KISS1R: variants seen among roughly 807,000 people sequenced by gnomAD.
KISS1R encodes kiSS-1 receptor.
A neutral mutation model predicts 22.0 loss-of-function variants in KISS1R; 19 were observed. That is an observed-to-expected ratio of 0.86 (90% CI 0.60 to 1.26). The LOEUF (loss-of-function observed/expected upper bound fraction) is 1.26. KISS1R is among the 50% of genes most tolerant of loss of function. The probability of loss-of-function intolerance (pLI) is 0.00; values close to 1 mark genes in which losing one functional copy is unlikely to be tolerated. For synonymous variants in KISS1R, 302 were observed against 283.9 expected (o/e 1.06, Z -0.64); for missense variants, 653 against 581.9 (o/e 1.12, Z -1.26).
Position 917,582 on chromosome 19 carries a change from C to T in KISS1R, c.80C>T (p.Ala27Val). Residue 27 changes from alanine to valine, a missense_variant, in exon 1 of 5, where the codon GCC becomes GTC. Coordinates refer to ENST00000234371, the MANE Select transcript of KISS1R (RefSeq NM_032551.5). ...ANASGCPGCG[A>V]NASDGPVPSP... ...GCCTCCGGCTGCCCGGGCTGTGGCG[C>T]CAACGCCTCGGACGGCCCAGTCCCT... 2 of 1,539,072 alleles carry T rather than the reference C, an allele frequency of 1.3e-6. No individual in the cohort carries two copies. Among genetic ancestry groups the T allele is most frequent in the Non-Finnish European group, 1.7e-6 (2 of 1,146,372 alleles).
chr19:920,750 C>A lies in KISS1R; in HGVS notation c.*2C>A, dbSNP rs1294638756. The A allele has an allele frequency of 7.8e-7, 1 of 1,281,484 alleles. No homozygotes were observed. Among genetic ancestry groups the A allele is most frequent in the Non-Finnish European group, 9.8e-7 (1 of 1,015,738 alleles). The allele number at this position is 1,281,484 out of a possible 1,614,324, so 79.4% of individuals were successfully genotyped here. A position where few individuals can be genotyped will look rare whatever the true frequency, so the allele number is the denominator to read the frequency against. On this transcript the variant is annotated 3_prime_UTR_variant, in exon 5 of 5. Coordinates refer to ENST00000234371, the MANE Select transcript of KISS1R (RefSeq NM_032551.5). ...GGGGAGGACAACGCCCCTCTCTGAG[C>A]GGACCCGGTGGGAATCCGAGCGGCT...
chr19:919,313 C>T (rs894224403), intron 2 of KISS1R, among the ~76,000 whole-genome samples, 177 bp from the exon 3 acceptor site: 1 of 152,192 alleles, frequency 6.6e-6, no homozygotes, highest in Non-Finnish European at 1.5e-5. Context: ...TCCTCCTGCC[C>T]TCCTCTCCCA....
Position 920,807 on chromosome 19 carries a change from C to T in KISS1R, c.*59C>T. On this transcript the variant is annotated 3_prime_UTR_variant, in exon 5 of 5. Coordinates refer to ENST00000234371, the MANE Select transcript of KISS1R (RefSeq NM_032551.5). ...GGAGCGGGGACTGCTGGAACAGCGG[C>T]TATTCTTCTGTTATTAGTATTTTTC... The T allele has an allele frequency of 8.1e-7, 1 of 1,241,062 alleles. No homozygotes were observed. Among genetic ancestry groups the T allele is most frequent in the South Asian group, 4.0e-5 (1 of 25,264 alleles). 76.9% of individuals were successfully genotyped at this position (1,241,062 alleles called of 1,614,324 possible).
chr19:919,404 A>T (rs1028459644), intron 2 of KISS1R, 86 bp from the exon 3 acceptor site: 2 of 1,519,370 alleles, frequency 1.3e-6, no homozygotes, highest in Admixed American at 3.9e-5. Context: ...GAGTGTTCGC[A>T]CACGTAGGGG....
At chr19:919,169 A>G (rs2145319356) in intron 2 of KISS1R, among the ~76,000 whole-genome samples, 2 of 148,602 alleles carry the variant, frequency 1.3e-5, no homozygotes, top group Non-Finnish European at 3.0e-5. Flanking sequence ...GCAGACGGGG[A>G]CCCGGGTCAC....
Position 920,715 on chromosome 19 carries a change from G to C in KISS1R, c.1164G>C (p.Leu388=). The change falls in exon 5 of 5, where the codon CTG becomes CTC. Residue 388 remains leucine (L), a synonymous_variant. Coordinates refer to ENST00000234371, the MANE Select transcript of KISS1R (RefSeq NM_032551.5). ...GCAGTGGGCTGGCCGCGCGCGGGCT[G>C]TGCGTCCTGGGGGAGGACAACGCCC... The part of the protein sequence containing the change: ...PGSSGLAARG[L]CVLGEDNAPL 1 of 1,305,464 alleles carries C rather than the reference G, an allele frequency of 7.7e-7. No individual in the cohort carries two copies. Among genetic ancestry groups the C allele is most frequent in the Non-Finnish European group, 9.7e-7 (1 of 1,028,824 alleles). The allele number at this position is 1,305,464 out of a possible 1,614,324, so 80.9% of individuals were successfully genotyped here. A position where few individuals can be genotyped will look rare whatever the true frequency, so the allele number is the denominator to read the frequency against.
chr19:919,346 C>CA, intron 2 of KISS1R, 144 bp from the exon 3 acceptor site: 1 of 1,212,546 alleles, frequency 8.2e-7, no homozygotes, highest in South Asian at 1.3e-5. Context: ...TCTGTCCCCT[C>CA]AACCCGCACT....
chr19:918,545 C>T lies in KISS1R; in HGVS notation c.246C>T (p.Ala82=). The change falls in exon 2 of 5, where the codon GCC becomes GCT. Residue 82 remains alanine, a splice_region_variant and synonymous_variant. Transcript: ENST00000234371. ...AGCGCCCGCGCATCCCCACCGCAGCCAACCTGGCGGCCACGGACGTGACCT... is the reference window on the plus strand; with the variant it reads ...AGCGCCCGCGCATCCCCACCGCAGCTAACCTGGCGGCCACGGACGTGACCT... The part of the protein sequence containing the change: ...PMRTVTNFYI[A]NLAATDVTFL... 1 of 1,549,282 alleles carries T rather than the reference C, an allele frequency of 6.5e-7. No individual in the cohort carries two copies. The highest frequency in any genetic ancestry group is 8.7e-7 in the Non-Finnish European group (1 of 1,147,170).
intron 1 of KISS1R, 58 bp downstream of exon 1, chr19:917,804 G>A (rs1351097060): frequency 1.7e-5 from 26 of 1,529,584 alleles, no homozygotes; most frequent in African/African-American, 2.8e-5. Context: ...AGGGCCGAGC[G>A]GCCTGGGGCG....
rs368729985 is a variant in KISS1R, at chr19:917,788, G to A, written c.244+42G>A. The stretch of plus-strand genomic sequence containing the variant: ...CGCCGCACCTGCTGCCGTCCCGGGG[G>A]CTCCGAGGGCCGAGCGGCCTGGGGC... On this transcript the variant is annotated intron_variant, in intron 1 of 4. Transcript: ENST00000234371. 1.0e-5 allele frequency: 16 copies of A among 1,567,528 alleles called. No homozygotes were observed. In the Admixed American group the frequency reaches 2.5e-4, roughly 25 times the overall value.
At position 919,634 on chromosome 19, in the gene KISS1R, A is replaced by C. The variant is rs1445529646; in HGVS notation, c.505+9A>C. ...CCTCAGCATCTGGGTAGGTGAGTACAGCTCAGGGGCCTCACGGGAGAAGGC... is the reference window on the plus strand; with the variant it reads ...CCTCAGCATCTGGGTAGGTGAGTACCGCTCAGGGGCCTCACGGGAGAAGGC... On this transcript the variant is annotated intron_variant, in intron 3 of 4. Coordinates refer to ENST00000234371, the MANE Select transcript of KISS1R (RefSeq NM_032551.5). 3.9e-5 allele frequency: 60 copies of C among 1,547,826 alleles called. No individual in the cohort carries two copies. Among genetic ancestry groups the C allele is most frequent in the Non-Finnish European group, 4.3e-5 (50 of 1,150,710 alleles).
Position 919,585 on chromosome 19 carries a change from G to A in KISS1R, c.465G>A (p.Thr155=). Reference sequence around the variant, plus strand: ...CGTTGCGCGCCCTGCACCGCCGCACGCCCCGCCTGGCGCTGGCTGTCAGCC... The same window carrying A: ...CGTTGCGCGCCCTGCACCGCCGCACACCCCGCCTGGCGCTGGCTGTCAGCC... The part of the protein sequence containing the change: ...VFPLRALHRR[T]PRLALAVSLS... The change falls in exon 3 of 5, where the codon ACG becomes ACA. Residue 155 remains threonine (T), a synonymous_variant. Transcript: ENST00000234371. 1 of 1,550,810 alleles carries A rather than the reference G, an allele frequency of 6.4e-7. No homozygotes were observed. Among genetic ancestry groups the A allele is most frequent in the Non-Finnish European group, 8.7e-7 (1 of 1,151,874 alleles).
chr19:918,414 G>T (rs1050801907), intron 1 of KISS1R, 130 bp from the exon 2 acceptor site: 7 of 1,112,194 alleles, frequency 6.3e-6, no homozygotes, highest in Admixed American at 5.2e-5. Context: ...CTGGGGGAGG[G>T]GGGGGCCTCC....
rs187730627 is a variant in KISS1R at position 920,776 on chromosome 19, C to A, written c.*28C>A. The A allele has an allele frequency of 8.0e-7, 1 of 1,257,108 alleles. No homozygotes were observed. Among genetic ancestry groups the A allele is most frequent in the Non-Finnish European group, 1.0e-6 (1 of 1,001,844 alleles). 77.9% of individuals were successfully genotyped at this position (1,257,108 alleles called of 1,614,324 possible). ...GGACCCGGTGGGAATCCGAGCGGCTCCCTCGGGAGCGGGGACTGCTGGAAC... is the reference window on the plus strand; with the variant it reads ...GGACCCGGTGGGAATCCGAGCGGCTACCTCGGGAGCGGGGACTGCTGGAAC... On this transcript the variant is annotated 3_prime_UTR_variant, in exon 5 of 5. Transcript: ENST00000234371.
chr19:919,427 G>C (rs1488541099), intron 2 of KISS1R, 63 bp from the exon 3 acceptor site: 1 of 1,533,274 alleles, frequency 6.5e-7, no homozygotes, highest in African/African-American at 1.4e-5. Flanking sequence ...TCAGCAGGGC[G>C]GGCGGACAGG....
Position 917,371 on chromosome 19 carries a change from C to T in KISS1R, c.-132C>T. 1 of 1,117,718 alleles carries T rather than the reference C, an allele frequency of 8.9e-7. No individual in the cohort carries two copies. The highest frequency in any genetic ancestry group is 2.1e-5 in the South Asian group (1 of 48,308). The allele number at this position is 1,117,718 out of a possible 1,614,324, so 69.2% of individuals were successfully genotyped here. On this transcript the variant is annotated 5_prime_UTR_variant, in exon 1 of 5. Transcript: ENST00000234371. ...AGCCCAGCACAGCTGCCCTCTGGAC[C>T]CTGCGGACCCCAGCCGAGCCCCTTC... is the stretch of plus-strand genomic sequence containing the variant.
At chr19:919,704 C>G (rs1248562736) in intron 3 of KISS1R, 79 bp downstream of exon 3, 5 of 1,529,616 alleles carry the variant, frequency 3.3e-6, no homozygotes, top group Non-Finnish European at 4.4e-6. Context: ...CCTGCCGCCT[C>G]GGTCCAGCAT....
Position 919,926 on chromosome 19 carries a change from G to T in KISS1R, c.558G>T (p.Gly186=). Residue 186 remains glycine, a synonymous_variant, in exon 4 of 5, where the codon GGG becomes GGT. Transcript: ENST00000234371. Reference sequence around the variant, plus strand: ...TCGCCCTGCACCGCCTGTCACCCGGGCCGCGCGCCTACTGCAGTGAGGCCT... The same window carrying T: ...TCGCCCTGCACCGCCTGTCACCCGGTCCGCGCGCCTACTGCAGTGAGGCCT... The part of the protein sequence containing the change: ...PVLALHRLSP[G]PRAYCSEAFP... 6.4e-7 allele frequency: 1 copy of T among 1,559,854 alleles called. No homozygotes were observed.
chr19:920,853 T>G lies in KISS1R; in HGVS notation c.*105T>G. 12 of 1,209,858 alleles carry G rather than the reference T, an allele frequency of 9.9e-6. No homozygotes were observed. The highest frequency in any genetic ancestry group is 1.1e-5 in the Non-Finnish European group (11 of 970,118). The allele number at this position is 1,209,858 out of a possible 1,614,324, so 74.9% of individuals were successfully genotyped here. A position where few individuals can be genotyped will look rare whatever the true frequency, so the allele number is the denominator to read the frequency against. ...TTTTCTTACTGTCCAAGATCAACTG[T>G]GGAAATATTTTGGTCTCTTGTGACG... is the stretch of plus-strand genomic sequence containing the variant. On this transcript the variant is annotated 3_prime_UTR_variant, in exon 5 of 5. Coordinates refer to ENST00000234371, the MANE Select transcript of KISS1R (RefSeq NM_032551.5).
Sources: allele counts gnomAD v4.1 joint callset (sites outside exome capture counted in the v4.1 genomes callset), GRCh38; gene constraint gnomAD v4.1.1; transcripts MANE v1.5; gene names NCBI Gene and HGNC (gene_info 2026-07-23, HGNC 2026-07-21).